Variants in NEBL observed in about 807,000 individuals in gnomAD.
NEBL encodes nebulette.
A neutral mutation model predicts 140.2 loss-of-function variants in NEBL; 122 were observed. That is an observed-to-expected ratio of 0.87 (90% CI 0.75 to 1.01). The LOEUF (loss-of-function observed/expected upper bound fraction) is 1.01. Among genes scored for constraint, NEBL ranks in the 50% least tolerant of loss-of-function variants. NEBL has a pLI of 0.00. For synonymous variants in NEBL, 436 were observed against 398.9 expected (o/e 1.09, Z -1.11); for missense variants, 1,365 against 1,231.3 (o/e 1.11, Z -1.62).
intron 3 of NEBL, among the ~76,000 whole-genome samples, chr10:20,983,095 A>C (rs10828164): frequency 6.6e-6 from 1 of 152,026 alleles, no homozygotes; most frequent in Non-Finnish European, 1.5e-5. Context: ...AAAAATCCTG[A>C]ATTTCCAACT....
chr10:21,023,539 C>A (rs1018046706), intron 2 of NEBL, among the ~76,000 whole-genome samples: 1 of 151,822 alleles, frequency 6.6e-6, no homozygotes, highest in African/African-American at 2.4e-5. Flanking sequence ...ACTAAAAATA[C>A]AAAAAAATAG....
chr10:20,840,913 T>C (rs113043946), intron 12 of NEBL, 64 bp from the exon 13 acceptor site: 42 of 933,908 alleles, frequency 4.5e-5, no homozygotes, highest in African/African-American at 4.4e-4. Flanking sequence ...TGTGCTATTC[T>C]ACATGTTTTC....
chr10:21,273,226 A>G (rs1842879649), intron 1 of NEBL, among the ~76,000 whole-genome samples: 1 of 152,132 alleles, frequency 6.6e-6, no homozygotes, highest in Non-Finnish European at 1.5e-5. Flanking sequence ...AACCAACCAC[A>G]TCTAAGACAC....
Position 21,044,806 on chromosome 10 carries a change from T to A in NEBL, c.165-24605A>T, listed in dbSNP as rs564469949. On this transcript the variant is annotated intron_variant, in intron 2 of 6. Transcript: ENST00000417816. The stretch of plus-strand genomic sequence containing the variant: ...TCATATCAGCACTTCTGCAACTCAC[T>A]CAGGATAATCCATCATGACATTTGT... 9.8e-5 allele frequency among the ~76,000 whole-genome samples: 15 copies of A among 152,300 alleles called. 1 individual carries two copies. Among genetic ancestry groups the A allele is most frequent in the African/African-American group, 3.4e-4 (14 of 41,570 alleles).
chr10:20,855,794 T>C (rs563978446), intron 9 of NEBL, among the ~76,000 whole-genome samples: 1 of 152,292 alleles, frequency 6.6e-6, no homozygotes, highest in East Asian at 1.9e-4. Context: ...AGAGTTTGGG[T>C]TAAAATAAAA....
chr10:20,880,527 G>A (rs575859576), intron 5 of NEBL, among the ~76,000 whole-genome samples: 2 of 152,128 alleles, frequency 1.3e-5, no homozygotes, highest in South Asian at 2.1e-4. Context: ...GGAAATGCTT[G>A]ATAACCCAAT....
Position 20,781,181 on chromosome 10 carries a change from A to G in NEBL, c.*4566T>C, listed in dbSNP as rs1271120108. The G allele has an allele frequency of 6.6e-6, 1 of 152,666 alleles. No individual in the cohort carries two copies. The highest frequency in any genetic ancestry group is 1.9e-4 in the East Asian group (1 of 5,196). 9.5% of individuals were successfully genotyped at this position (152,666 alleles called of 1,614,324 possible). A position where few individuals can be genotyped will look rare whatever the true frequency, so the allele number is the denominator to read the frequency against. On this transcript the variant is annotated 3_prime_UTR_variant, in exon 28 of 28. Coordinates refer to ENST00000377122, the MANE Select transcript of NEBL (RefSeq NM_006393.3). ...CATTTCTACTAAAATATATTTTAAT[A>G]GCTGGTGTTAACAATTTGCATAACA...
intron 11 of NEBL, among the ~76,000 whole-genome samples, chr10:20,850,090 A>C (rs1057347360): frequency 1.3e-5 from 2 of 152,216 alleles, no homozygotes; most frequent in African/African-American, 4.8e-5. Context: ...AATATCTGAA[A>C]GGCAAAAGGT....
intron 2 of NEBL, among the ~76,000 whole-genome samples, chr10:21,107,450 G>C (rs897622563): frequency 4.6e-5 from 7 of 152,156 alleles, no homozygotes; most frequent in Non-Finnish European, 8.8e-5. Context: ...TGTTAGTTCT[G>C]TTTATGTGGT....
At chr10:21,033,230 T>C (rs1359889871) in intron 2 of NEBL, among the ~76,000 whole-genome samples, 1 of 152,076 alleles carries the variant, frequency 6.6e-6, no homozygotes, top group Non-Finnish European at 1.5e-5. Context: ...ATCTAAGATA[T>C]GAGTATACTC....
At chr10:20,902,751 T>C (rs1194513594) in intron 4 of NEBL, among the ~76,000 whole-genome samples, 1 of 152,122 alleles carries the variant, frequency 6.6e-6, no homozygotes, top group Non-Finnish European at 1.5e-5. Context: ...TCCCGCAATC[T>C]TCACCACCAA....
chr10:20,829,368 T>C (rs543726333), intron 16 of NEBL, among the ~76,000 whole-genome samples: 3 of 142,906 alleles, frequency 2.1e-5, no homozygotes, highest in Non-Finnish European at 3.0e-5. Context: ...TTCTCACTCA[T>C]AGGTGGGAAT....
chr10:21,099,737 C>T (rs1384985678), intron 2 of NEBL, among the ~76,000 whole-genome samples: 2 of 152,156 alleles, frequency 1.3e-5, no homozygotes, highest in African/African-American at 2.4e-5. Context: ...GACTGTGAGC[C>T]AGGAAATGAG....
intron 4 of NEBL, among the ~76,000 whole-genome samples, chr10:20,910,178 T>C (rs2131460642): frequency 6.6e-6 from 1 of 152,316 alleles, no homozygotes; most frequent in East Asian, 1.9e-4. Flanking sequence ...GGACATACTT[T>C]TTTAAAAATT....
intron 3 of NEBL, among the ~76,000 whole-genome samples, chr10:21,187,477 TTTA>T (rs1264335476): frequency 6.6e-6 from 1 of 151,480 alleles, no homozygotes; most frequent in Non-Finnish European, 1.5e-5. Context: ...GCTTTTTGAA[TTTA>T]TTATTATCAT....
chr10:21,109,596 T>G (rs1378908136), intron 2 of NEBL, among the ~76,000 whole-genome samples: 1 of 152,102 alleles, frequency 6.6e-6, no homozygotes, highest in East Asian at 1.9e-4. Context: ...CTTTGTATCT[T>G]TGGTAGAATT....
chr10:21,046,723 C>T (rs553303713), intron 2 of NEBL, among the ~76,000 whole-genome samples: 2 of 152,270 alleles, frequency 1.3e-5, no homozygotes, highest in Non-Finnish European at 2.9e-5. Context: ...GCCTCAGCCT[C>T]CCAAGTAGCT....
chr10:20,882,763 A>T (rs1313686298), intron 4 of NEBL, among the ~76,000 whole-genome samples: 1 of 152,114 alleles, frequency 6.6e-6, no homozygotes, highest in Non-Finnish European at 1.5e-5. Flanking sequence ...GTCATCTGGT[A>T]TAACTAACAA....
At chr10:21,180,385 C>T (rs182905112) in intron 3 of NEBL, among the ~76,000 whole-genome samples, 7 of 152,258 alleles carry the variant, frequency 4.6e-5, no homozygotes, top group Admixed American at 3.9e-4. Context: ...GATTCCTTCT[C>T]GTTGTTGTCC....
Sources: gnomAD v4.1 joint callset for allele counts (sites outside exome capture counted in the v4.1 genomes callset) on GRCh38, gnomAD v4.1.1 for gene constraint, MANE v1.5 for transcripts, NCBI Gene and HGNC (gene_info 2026-07-23, HGNC 2026-07-21) for gene names.